RSU1: variants seen among roughly 807,000 people sequenced by gnomAD.
RSU1 encodes rsu-1.
Under a neutral mutation model 31.1 loss-of-function variants are expected in RSU1, and 26 were observed. The observed-to-expected ratio is 0.84, with a 90% CI of 0.61 to 1.16. The LOEUF is 1.16. Ranked by LOEUF, RSU1 falls within the 50% of genes most tolerant of loss-of-function variation. The pLI is 0.00. For synonymous variants in RSU1, 164 were observed against 136.3 expected (o/e 1.20, Z -1.41); for missense variants, 320 against 339.1 (o/e 0.94, Z 0.44).
chr10:16,623,869 T>C (rs2131482330), intron 8 of RSU1, among the ~76,000 whole-genome samples: 1 of 152,298 alleles, frequency 6.6e-6, no homozygotes, highest in Middle Eastern at 3.4e-3. Flanking sequence ...AAACTAGAAT[T>C]CAGTGGATAT....
intron 8 of RSU1, among the ~76,000 whole-genome samples, chr10:16,691,553 G>C (rs1479605152): frequency 6.6e-6 from 1 of 151,840 alleles, no homozygotes; most frequent in African/African-American, 2.4e-5. Context: ...CCTTCCCAAG[G>C]AGGACAGAAG....
In RSU1 at chr10:16,697,613, G is replaced by A. The variant is rs565809770; in HGVS notation, c.599-2458C>T. Among the ~76,000 whole-genome samples the A allele has an allele frequency of 3.3e-5, 5 of 150,468 alleles. No homozygotes were observed. The East Asian group carries it at 5.9e-4, about 18-fold the overall frequency. ...TGGGAGGCGGAGGTTGCAGTGAGCC[G>A]AAATGGCACCACTGCACTCCAGCCT... On this transcript the variant is annotated intron_variant, in intron 7 of 8. Transcript: ENST00000345264.
At position 16,606,389 on chromosome 10, in the gene RSU1, T is replaced by C. The variant is rs188582927; in HGVS notation, c.732-12893A>G. Among the ~76,000 whole-genome samples, 1,071 of 152,232 alleles carry C rather than the reference T, an allele frequency of 7.0e-3. 18 individuals are homozygous for C. Among genetic ancestry groups the C allele is most frequent in the African/African-American group, 0.025 (1,029 of 41,546 alleles). On this transcript the variant is annotated intron_variant, in intron 8 of 8. Coordinates refer to ENST00000345264, the MANE Select transcript of RSU1 (RefSeq NM_012425.4). ...CTGACCTCAAGTGATCTCAGACTCC[T>C]GAGTAGCTGGGATTACAGGTACAAC...
chr10:16,661,308 G>C (rs1182390316), intron 8 of RSU1, among the ~76,000 whole-genome samples: 1 of 151,450 alleles, frequency 6.6e-6, no homozygotes, highest in Non-Finnish European at 1.5e-5. Context: ...GTGTGTGTGT[G>C]TGTGTGTGTG....
intron 8 of RSU1, among the ~76,000 whole-genome samples, chr10:16,676,963 T>C (rs1156361099): frequency 6.6e-6 from 1 of 152,150 alleles, no homozygotes; most frequent in African/African-American, 2.4e-5. Flanking sequence ...GAGCTGGCAG[T>C]AGGAATACTG....
At chr10:16,641,202 A>C (rs1834435927) in intron 8 of RSU1, among the ~76,000 whole-genome samples, 1 of 152,224 alleles carries the variant, frequency 6.6e-6, no homozygotes, top group Non-Finnish European at 1.5e-5. Flanking sequence ...TCACAAATGG[A>C]ATCACCTGAC....
chr10:16,706,504 C>G (rs1159893280), intron 7 of RSU1, among the ~76,000 whole-genome samples: 1 of 152,090 alleles, frequency 6.6e-6, no homozygotes, highest in Non-Finnish European at 1.5e-5. Flanking sequence ...AAATTTTAAT[C>G]CTTTATCAGA....
Position 16,597,344 on chromosome 10 carries a change from A to G in RSU1, c.732-3848T>C, listed in dbSNP as rs192215435. 2.6e-5 allele frequency among the ~76,000 whole-genome samples: 4 copies of G among 152,246 alleles called. No individual in the cohort carries two copies. In the East Asian group the frequency reaches 7.7e-4, roughly 29 times the overall value. On this transcript the variant is annotated intron_variant, in intron 8 of 8. Transcript: ENST00000345264. ...CCACTGTTTCAGTCTCTGCCTTTTTATATTCAGATCCCACTGTGTGTGTCT... is the reference window on the plus strand; with the variant it reads ...CCACTGTTTCAGTCTCTGCCTTTTTGTATTCAGATCCCACTGTGTGTGTCT...
chr10:16,731,915 T>A (rs7903203), intron 7 of RSU1, among the ~76,000 whole-genome samples: 1,934 of 152,302 alleles, frequency 0.013, 42 homozygotes, highest in African/African-American at 0.044. Context: ...AGGGCAGAGA[T>A]ATTTAATCCC....
chr10:16,813,503 T>C (rs529357010), intron 2 of RSU1, among the ~76,000 whole-genome samples: 2 of 152,220 alleles, frequency 1.3e-5, no homozygotes, highest in Non-Finnish European at 2.9e-5. Context: ...ATGTACATTA[T>C]TGGATCTAAC....
chr10:16,706,846 A>G (rs552217310), intron 7 of RSU1, among the ~76,000 whole-genome samples: 14 of 152,226 alleles, frequency 9.2e-5, no homozygotes, highest in African/African-American at 3.4e-4. Flanking sequence ...AAATGTAACT[A>G]TGTACCCACT....
intron 8 of RSU1, among the ~76,000 whole-genome samples, chr10:16,682,287 C>T (rs1835340231): frequency 6.6e-6 from 1 of 152,084 alleles, no homozygotes; most frequent in Non-Finnish European, 1.5e-5. Context: ...CTGGGCTGCA[C>T]TCCCAGGCAG....
chr10:16,675,240 T>C (rs571394583), intron 8 of RSU1, among the ~76,000 whole-genome samples: 6 of 150,504 alleles, frequency 4.0e-5, no homozygotes, highest in Admixed American at 2.0e-4. Context: ...AGTGTAAAGC[T>C]GTTAGTGTTA....
intron 3 of RSU1, chr10:16,767,557 G>C (rs1253864470): frequency 6.7e-6 from 1 of 150,206 alleles, no homozygotes; most frequent in African/African-American, 2.4e-5. Context: ...GCTAGACGAG[G>C]AAAAAAAAAT....
intron 8 of RSU1, among the ~76,000 whole-genome samples, chr10:16,692,773 T>C (rs1325014433): frequency 1.3e-5 from 2 of 152,220 alleles, no homozygotes; most frequent in Non-Finnish European, 2.9e-5. Flanking sequence ...TACATATCTA[T>C]ATGGCTTATG....
intron 8 of RSU1, among the ~76,000 whole-genome samples, chr10:16,617,830 A>C (rs1173022338): frequency 6.6e-6 from 1 of 152,206 alleles, no homozygotes; most frequent in East Asian, 1.9e-4. Context: ...ACAAAAGTTA[A>C]CTCAAGATGG....
At chr10:16,680,358 A>G (rs1835306867) in intron 8 of RSU1, among the ~76,000 whole-genome samples, 1 of 152,084 alleles carries the variant, frequency 6.6e-6, no homozygotes, top group Non-Finnish European at 1.5e-5. Context: ...AAAGAGCTCA[A>G]GTTTAAAAAA....
intron 5 of RSU1, among the ~76,000 whole-genome samples, chr10:16,753,674 A>G (rs534416915): frequency 1.8e-4 from 27 of 152,382 alleles, no homozygotes; most frequent in Non-Finnish European, 2.6e-4. Flanking sequence ...TTACACAATG[A>G]TAATACGATT....
chr10:16,611,550 T>C (rs557944355), intron 8 of RSU1, among the ~76,000 whole-genome samples: 2 of 152,340 alleles, frequency 1.3e-5, no homozygotes, highest in South Asian at 2.1e-4. Flanking sequence ...TGTTTCCAAA[T>C]ACCACTTTGC....
Sources: allele counts gnomAD v4.1 joint callset (sites outside exome capture counted in the v4.1 genomes callset), GRCh38; gene constraint gnomAD v4.1.1; transcripts MANE v1.5; gene names NCBI Gene and HGNC (gene_info 2026-07-23, HGNC 2026-07-21).